PKHD1L1: variants seen among roughly 807,000 people sequenced by gnomAD.
The protein encoded by PKHD1L1 is fibrocystin-L.
Under a neutral mutation model 462.9 loss-of-function variants are expected in PKHD1L1, and 434 were observed. The observed-to-expected ratio is 0.94, with a 90% CI of 0.87 to 1.02. PKHD1L1 has a LOEUF of 1.02. Among genes scored for constraint, PKHD1L1 ranks in the 50% least tolerant of loss-of-function variants. The pLI, the probability that PKHD1L1 is intolerant of heterozygous loss-of-function variation, is 0.00. For missense variants in PKHD1L1, 5,202 were observed against 5,096.1 expected (o/e 1.02, Z -0.63); for synonymous variants, 1,781 against 1,750.0 (o/e 1.02, Z -0.44).
intron 35 of PKHD1L1, among the ~76,000 whole-genome samples, 162 bp from the exon 36 acceptor site, chr8:109,442,784 G>A (rs1028673659): frequency 2.6e-5 from 4 of 152,134 alleles, no homozygotes; most frequent in African/African-American, 4.8e-5. Context: ...GCTTTTAATA[G>A]CGAGTTTTCT....
chr8:109,435,440 A>G lies in PKHD1L1; in HGVS notation c.3505+86A>G, dbSNP rs963182977. 2.4e-5 allele frequency: 33 copies of G among 1,384,490 alleles called. No individual in the cohort carries two copies. The African/African-American group carries it at 4.8e-4, about 20-fold the overall frequency. The allele number at this position is 1,384,490 out of a possible 1,614,324, so 85.8% of individuals were successfully genotyped here. ...TGTTTCTAGTACAGGGTGAAGGGAG[A>G]GGATCCCAAAGCTTCCTCTTATAGA... On this transcript the variant is annotated intron_variant, in intron 29 of 77. Transcript: ENST00000378402.
chr8:109,500,511 C>CT (rs1819345495), intron 67 of PKHD1L1, among the ~76,000 whole-genome samples: 1 of 108,626 alleles, frequency 9.2e-6, no homozygotes, highest in Admixed American at 1.1e-4. Flanking sequence ...CCCGACTCTA[C>CT]TAAAAATACA....
Position 109,434,442 on chromosome 8 carries a change from T to TTTTTTG in PKHD1L1, c.3341-737_3341-732dup, listed in dbSNP as rs538385513. The stretch of plus-strand genomic sequence containing the variant: ...TTTTGGTTTTGTTTTTGGTGTTTTG[T>TTTTTTG]TTTTTGTTTTTGTTTTGTTTTGGTT... On this transcript the variant is annotated intron_variant, in intron 28 of 77. Transcript: ENST00000378402. Among the ~76,000 whole-genome samples the TTTTTTG allele has an allele frequency of 1.1e-4, 17 of 152,028 alleles. No homozygotes were observed. In the South Asian group the frequency reaches 3.3e-3, roughly 30 times the overall value.
chr8:109,427,111 G>A lies in PKHD1L1; in HGVS notation c.2955G>A (p.Trp985Ter). Residue 985 changes from tryptophan (W) to a stop codon, truncating the protein, a stop_gained, in exon 25 of 78, where the codon TGG (tryptophan) becomes TGA (stop). Transcript: ENST00000378402. LOFTEE classifies it high-confidence loss of function. ...TREGTCAGYA[W>*]NIKWRSTCGK... ...AGGGAACCTGTGCTGGCTACGCGTG[G>A]AACATCAAATGGAGAAGCACCTGCG... 1 of 1,613,882 alleles carries A rather than the reference G, an allele frequency of 6.2e-7. No individual in the cohort carries two copies. Among genetic ancestry groups the A allele is most frequent in the East Asian group, 2.2e-5 (1 of 44,866 alleles).
intron 38 of PKHD1L1, among the ~76,000 whole-genome samples, chr8:109,447,327 C>T (rs1430007300): frequency 6.6e-6 from 1 of 152,150 alleles, no homozygotes; most frequent in Non-Finnish European, 1.5e-5. Flanking sequence ...TTAAGCAATC[C>T]TCACTATGGT....
chr8:109,387,635 T>G (rs2130462105), intron 6 of PKHD1L1, among the ~76,000 whole-genome samples: 1 of 152,346 alleles, frequency 6.6e-6, no homozygotes, highest in Admixed American at 6.5e-5. Context: ...TAGGAGAATT[T>G]AAATCCATGA....
intron 14 of PKHD1L1, among the ~76,000 whole-genome samples, chr8:109,403,784 T>C (rs917605397): frequency 1.3e-5 from 2 of 152,272 alleles, no homozygotes; most frequent in Admixed American, 1.3e-4. Flanking sequence ...ATTCTTCCTA[T>C]ATAAGAATAT....
chr8:109,388,244 C>G (rs1812532271), intron 6 of PKHD1L1, among the ~76,000 whole-genome samples: 1 of 152,054 alleles, frequency 6.6e-6, no homozygotes, highest in Admixed American at 6.6e-5. Flanking sequence ...TCATCTTTCC[C>G]AGTTAAAATG....
intron 49 of PKHD1L1, among the ~76,000 whole-genome samples, chr8:109,466,092 C>T (rs2130837291): frequency 6.6e-6 from 1 of 152,270 alleles, no homozygotes; most frequent in Middle Eastern, 3.4e-3. Context: ...GTTGAGTTTT[C>T]AACCACAGTT....
chr8:109,472,338 T>C (rs567773111), intron 50 of PKHD1L1, among the ~76,000 whole-genome samples: 19 of 152,296 alleles, frequency 1.2e-4, no homozygotes, highest in Non-Finnish European at 2.6e-4. Flanking sequence ...CTCTAAGCTT[T>C]CTTTTTGTGG....
At chr8:109,460,067 T>C (rs928582899) in intron 47 of PKHD1L1, among the ~76,000 whole-genome samples, 15 of 152,012 alleles carry the variant, frequency 9.9e-5, no homozygotes, top group Non-Finnish European at 1.5e-4. Flanking sequence ...TTTGAATATA[T>C]TGAAGAAAAG....
chr8:109,364,073 A>T (rs1811108109), intron 1 of PKHD1L1, among the ~76,000 whole-genome samples: 1 of 152,178 alleles, frequency 6.6e-6, no homozygotes, highest in Non-Finnish European at 1.5e-5. Context: ...CCTCACAGAA[A>T]ATAATTTCTT....
intron 22 of PKHD1L1, 112 bp from the exon 23 acceptor site, chr8:109,420,406 A>AT: frequency 1.7e-6 from 1 of 585,782 alleles, no homozygotes; most frequent in East Asian, 3.3e-5. Flanking sequence ...TGATGATTTT[A>AT]TTTTTAGCAA....
At chr8:109,373,421 G>A (rs1197138436) in intron 2 of PKHD1L1, among the ~76,000 whole-genome samples, 1 of 152,040 alleles carries the variant, frequency 6.6e-6, no homozygotes, top group African/African-American at 2.4e-5. Context: ...CCTGCTAGCG[G>A]TCTATCAATT....
At chr8:109,457,450 G>C (rs905071673) in intron 46 of PKHD1L1, among the ~76,000 whole-genome samples, 1 of 152,096 alleles carries the variant, frequency 6.6e-6, no homozygotes, top group African/African-American at 2.4e-5. Context: ...GGGCTATTTA[G>C]TTTTCAGAAA....
intron 9 of PKHD1L1, among the ~76,000 whole-genome samples, chr8:109,394,159 C>A (rs1297118420): frequency 1.8e-5 from 2 of 111,166 alleles, no homozygotes; most frequent in Non-Finnish European, 1.6e-5. Flanking sequence ...GGCAACAGAG[C>A]GAGACTCTGT....
chr8:109,406,529 G>C, intron 17 of PKHD1L1, 51 bp downstream of exon 17: 1 of 1,472,236 alleles, frequency 6.8e-7, no homozygotes, highest in Non-Finnish European at 9.0e-7. Context: ...TGTATATCCT[G>C]TGCCACTCTA....
Position 109,487,293 on chromosome 8 carries a change from G to A in PKHD1L1, c.9880+472G>A, listed in dbSNP as rs74868223. On this transcript the variant is annotated intron_variant, in intron 59 of 77. Coordinates refer to ENST00000378402, the MANE Select transcript of PKHD1L1 (RefSeq NM_177531.6). ...TCCTGGATTGTATTGAAGTAATCAC[G>A]TATTATATCATCTAGAAATATTTTA... Among the ~76,000 whole-genome samples the A allele has an allele frequency of 8.4e-3, 1,276 of 151,936 alleles. 16 individuals carry two copies. Among genetic ancestry groups the A allele is most frequent in the African/African-American group, 0.029 (1,182 of 41,470 alleles).
At chr8:109,480,733 A>C in intron 55 of PKHD1L1, 1 of 377,304 alleles carries the variant, frequency 2.7e-6, no homozygotes, top group South Asian at 2.0e-5. Flanking sequence ...TTAAAATAAT[A>C]AGCAGTTAGC....
Sources: allele counts gnomAD v4.1 joint callset (sites outside exome capture counted in the v4.1 genomes callset), GRCh38; gene constraint gnomAD v4.1.1; transcripts MANE v1.5; gene names NCBI Gene and HGNC (gene_info 2026-07-23, HGNC 2026-07-21).